UBE2W: variants seen among roughly 807,000 people sequenced by gnomAD.
The protein encoded by UBE2W is ubiquitin-conjugating enzyme E2 W.
UBE2W carries 18 observed loss-of-function variants against 27.2 expected under a neutral mutation model. That is an observed-to-expected ratio of 0.66 (90% confidence interval 0.46 to 0.98). The LOEUF (loss-of-function observed/expected upper bound fraction) is 0.98, where lower values mean the gene tolerates loss of function less well. UBE2W is among the 50% of genes least tolerant of loss of function. The pLI is 0.00. For synonymous variants in UBE2W, 53 were observed against 57.2 expected (o/e 0.93, Z 0.33); for missense variants, 90 against 180.2 (o/e 0.50, Z 2.87).
At chr8:73,873,128 C>T (rs548353149) in intron 1 of UBE2W, among the ~76,000 whole-genome samples, 23 of 152,148 alleles carry the variant, frequency 1.5e-4, no homozygotes, top group African/African-American at 5.1e-4. Flanking sequence ...GGGCTGGTCT[C>T]GATCTCCTGA....
intron 3 of UBE2W, among the ~76,000 whole-genome samples, chr8:73,818,580 G>T (rs1809484843): frequency 6.6e-6 from 1 of 152,168 alleles, no homozygotes; most frequent in Admixed American, 6.6e-5. Flanking sequence ...CAGCCCAAAT[G>T]ATCTCTCTGA....
chr8:73,847,104 G>A (rs898268608), intron 1 of UBE2W, among the ~76,000 whole-genome samples: 2 of 152,338 alleles, frequency 1.3e-5, no homozygotes, highest in East Asian at 1.9e-4. Context: ...GGGAAGCAGA[G>A]GTTGCAGTGA....
rs887522427 is a variant in UBE2W, at chr8:73,846,364, C to T, written c.16-15892G>A. 3.9e-5 allele frequency among the ~76,000 whole-genome samples: 6 copies of T among 151,990 alleles called. No homozygotes were observed. The South Asian group carries it at 1.0e-3, about 26-fold the overall frequency. ...TGAGTCAATATTGCACCACTGCACT[C>T]CAGCCTAGGCAACAAGAGCGAAACT... On this transcript the variant is annotated intron_variant, in intron 1 of 5. Coordinates refer to ENST00000602593, the MANE Select transcript of UBE2W (RefSeq NM_018299.6).
intron 1 of UBE2W, among the ~76,000 whole-genome samples, chr8:73,834,994 G>A (rs1810247554): frequency 6.6e-6 from 1 of 152,112 alleles, no homozygotes; most frequent in African/African-American, 2.4e-5. Flanking sequence ...AGCGTCTCAA[G>A]CCTTGTTTCA....
intron 1 of UBE2W, among the ~76,000 whole-genome samples, chr8:73,855,392 TTC>T (rs1250949873): frequency 2.2e-4 from 33 of 147,036 alleles, no homozygotes; most frequent in African/African-American, 6.0e-4. Flanking sequence ...ATATTCTACT[TTC>T]TTTTTTTTTT....
intron 5 of UBE2W, among the ~76,000 whole-genome samples, chr8:73,802,723 T>C (rs1425216794): frequency 1.3e-5 from 2 of 152,054 alleles, no homozygotes; most frequent in Non-Finnish European, 2.9e-5. Flanking sequence ...AACCCGTCTC[T>C]ACTAAAAATA....
chr8:73,834,682 A>G (rs2130915872), intron 1 of UBE2W, among the ~76,000 whole-genome samples: 1 of 152,248 alleles, frequency 6.6e-6, no homozygotes, highest in Non-Finnish European at 1.5e-5. Context: ...GTCAAGGAGC[A>G]TGTAATGCCT....
At position 73,789,972 on chromosome 8, in the gene UBE2W, A is replaced by C; in HGVS notation, c.*4130T>G. On this transcript the variant is annotated 3_prime_UTR_variant, in exon 6 of 6. Coordinates refer to ENST00000602593, the MANE Select transcript of UBE2W (RefSeq NM_018299.6). Reference sequence around the variant, plus strand: ...GGAGAGTCCTCATCCGAAAATAACAAAATTTCCTTAATATTAGTACTAAAG... The same window carrying C: ...GGAGAGTCCTCATCCGAAAATAACACAATTTCCTTAATATTAGTACTAAAG... The C allele has an allele frequency of 1.0e-6, 1 of 984,666 alleles. No homozygotes were observed. Among genetic ancestry groups the C allele is most frequent in the Non-Finnish European group, 1.2e-6 (1 of 829,248 alleles). The allele number at this position is 984,666 out of a possible 1,614,324, so 61.0% of individuals were successfully genotyped here.
At chr8:73,826,474 T>C (rs1159751418) in intron 2 of UBE2W, among the ~76,000 whole-genome samples, 2 of 152,174 alleles carry the variant, frequency 1.3e-5, no homozygotes, top group African/African-American at 4.8e-5. Context: ...AGATAGAAAA[T>C]ACAGTGTTGG....
intron 1 of UBE2W, among the ~76,000 whole-genome samples, chr8:73,866,953 C>T (rs1272418230): frequency 6.7e-6 from 1 of 150,004 alleles, no homozygotes; most frequent in Non-Finnish European, 1.5e-5. Context: ...TGCAGTGAGC[C>T]GAGATCACGC....
intron 3 of UBE2W, among the ~76,000 whole-genome samples, chr8:73,816,901 G>A (rs374554611): frequency 2.6e-3 from 392 of 152,204 alleles, no homozygotes; most frequent in African/African-American, 8.5e-3. Context: ...AGGCTTTGTG[G>A]TGCGCGCCTG....
chr8:73,794,068 A>C lies in UBE2W; in HGVS notation c.*34T>G, dbSNP rs774240265. On this transcript the variant is annotated 3_prime_UTR_variant, in exon 6 of 6. Transcript: ENST00000602593. ...TCAAAGTGCTCATTTTCTCAGTAGG[A>C]CTATCTTCTGCTAGGAGGATGATAA... is the stretch of plus-strand genomic sequence containing the variant. The C allele has an allele frequency of 2.5e-6, 4 of 1,613,052 alleles. No individual in the cohort carries two copies. The highest frequency in any genetic ancestry group is 1.7e-5 in the Admixed American group (1 of 59,884).
chr8:73,794,983 T>C (rs1177046437), intron 5 of UBE2W, among the ~76,000 whole-genome samples: 2 of 151,704 alleles, frequency 1.3e-5, no homozygotes, highest in South Asian at 2.1e-4. Flanking sequence ...TCAACACATA[T>C]ATATGTAACA....
chr8:73,835,494 G>C (rs1044679577), intron 1 of UBE2W, among the ~76,000 whole-genome samples: 3 of 152,200 alleles, frequency 2.0e-5, no homozygotes, highest in African/African-American at 7.2e-5. Context: ...TGTAATCCCA[G>C]TACTTTGGGA....
chr8:73,850,430 A>T (rs914124437), intron 1 of UBE2W, among the ~76,000 whole-genome samples: 2 of 152,184 alleles, frequency 1.3e-5, no homozygotes, highest in Non-Finnish European at 2.9e-5. Context: ...TACAACATTT[A>T]AACCAGCACT....
At chr8:73,867,616 C>T (rs1811834869) in intron 1 of UBE2W, among the ~76,000 whole-genome samples, 1 of 151,502 alleles carries the variant, frequency 6.6e-6, no homozygotes, top group Non-Finnish European at 1.5e-5. Flanking sequence ...GAGGCTGAGG[C>T]AGGAGAATCG....
At chr8:73,820,841 C>T (rs1368578191) in intron 3 of UBE2W, among the ~76,000 whole-genome samples, 1 of 152,028 alleles carries the variant, frequency 6.6e-6, no homozygotes, top group Non-Finnish European at 1.5e-5. Flanking sequence ...GTCCCTGCTA[C>T]TCTGGAGGCT....
chr8:73,878,703 C>T lies in UBE2W; in HGVS notation c.15+105G>A, dbSNP rs138457467. The T allele has an allele frequency of 1.3e-3, 1,403 of 1,091,262 alleles. 13 individuals are homozygous for T. The African/African-American group carries it at 0.019, about 14-fold the overall frequency. 67.6% of individuals were successfully genotyped at this position (1,091,262 alleles called of 1,614,324 possible). On this transcript the variant is annotated intron_variant, in intron 1 of 5. Coordinates refer to ENST00000602593, the MANE Select transcript of UBE2W (RefSeq NM_018299.6). ...GAAAACAGGCCACCCGGACCGATCC[C>T]GAACCCGCCCGGGTGTCCCCGAATC...
intron 1 of UBE2W, among the ~76,000 whole-genome samples, chr8:73,853,817 A>C (rs977733464): frequency 7.2e-5 from 11 of 152,160 alleles, no homozygotes; most frequent in Non-Finnish European, 1.6e-4. Context: ...TAAAAAGAAA[A>C]GATGATCCTA....
Sources: gnomAD v4.1 joint callset for allele counts (sites outside exome capture counted in the v4.1 genomes callset) on GRCh38, gnomAD v4.1.1 for gene constraint, MANE v1.5 for transcripts, NCBI Gene and HGNC (gene_info 2026-07-23, HGNC 2026-07-21) for gene names.